The following PADI6 variants were observed in gnomAD, a reference collection of about 807,000 sequenced individuals.
PADI6 encodes the protein peptidyl arginine deiminase 6.
In PADI6, 66 loss-of-function variants were observed where a neutral mutation model predicts 78.2. That is an observed-to-expected ratio of 0.84 (90% CI 0.69 to 1.04). PADI6 has a LOEUF of 1.04. PADI6 is among the 50% of genes least tolerant of loss of function. The pLI, the probability that PADI6 is intolerant of heterozygous loss-of-function variation, is 0.00. For synonymous variants in PADI6, 397 were observed against 346.9 expected (o/e 1.14, Z -1.60); for missense variants, 854 against 866.1 (o/e 0.99, Z 0.18).
chr1:17,387,461 G>GT lies in PADI6; in HGVS notation c.680-920_680-919insT, dbSNP rs1553153217. Among the ~76,000 whole-genome samples the GT allele has an allele frequency of 1.1e-4, 16 of 151,472 alleles. No individual in the cohort carries two copies. In the East Asian group the frequency reaches 2.5e-3, roughly 24 times the overall value. On this transcript the variant is annotated intron_variant, in intron 6 of 15. Transcript: ENST00000619609. ...CTCCACCTCAAAAAAGAAAAGGAGG[G>GT]GGGGGGGCCAGGCGTGGTAGCTCAC...
chr1:17,390,777 G>C (rs1232641277), intron 8 of PADI6, among the ~76,000 whole-genome samples: 2 of 152,114 alleles, frequency 1.3e-5, no homozygotes, highest in African/African-American at 2.4e-5. Flanking sequence ...AGATACAAAA[G>C]ACATAAAGCA....
In PADI6 at chr1:17,381,106, T is replaced by C. The variant is rs6669650; in HGVS notation, c.495T>C (p.Pro165=). ...CCATCCTGCTTGTGAATTGCAACCC[T>C]GCTGATGTGGGCCAGCAACTTGAGG... ...WGAILLVNCN[P]ADVGQQLEDK... The change falls in exon 5 of 16, where the codon CCT becomes CCC. Residue 165 remains proline, a synonymous_variant. Coordinates refer to ENST00000619609, the MANE Select transcript of PADI6 (RefSeq NM_207421.4). 0.15 allele frequency: 246,371 copies of C among 1,608,902 alleles called. 20,081 individuals carry two copies. The highest frequency in any genetic ancestry group is 0.27 in the East Asian group (12,245 of 44,672).
rs374213626 is a variant in PADI6 at position 17,388,332 on chromosome 1, C to T, written c.680-49C>T. 482 of 1,500,714 alleles carry T rather than the reference C, an allele frequency of 3.2e-4. 1 individual carries two copies. The African/African-American group carries it at 5.5e-3, about 17-fold the overall frequency. The allele number at this position is 1,500,714 out of a possible 1,614,324, so 93.0% of individuals were successfully genotyped here. On this transcript the variant is annotated intron_variant, in intron 6 of 15. Coordinates refer to ENST00000619609, the MANE Select transcript of PADI6 (RefSeq NM_207421.4). The stretch of plus-strand genomic sequence containing the variant: ...TGGTACCTTGACCATCAAATGTGAC[C>T]GGCACCAGGTTACTTCAGTGGCTGG...
chr1:17,401,564 TCTGCCCCGA>T lies in PADI6; in HGVS notation c.*128_*136del. ...AGGCAACAGAACCCTTTCTTCCCTG[TCTGCCCCGA>T]CCGACCCTCGGACCCAGTAGGATGG... is the stretch of plus-strand genomic sequence containing the variant. On this transcript the variant is annotated 3_prime_UTR_variant, in exon 16 of 16. Coordinates refer to ENST00000619609, the MANE Select transcript of PADI6 (RefSeq NM_207421.4). The T allele has an allele frequency of 1.1e-6, 1 of 913,678 alleles. No homozygotes were observed. The highest frequency in any genetic ancestry group is 1.7e-5 in the South Asian group (1 of 57,732). The allele number at this position is 913,678 out of a possible 1,614,324, so 56.6% of individuals were successfully genotyped here.
rs2075005714 is a variant in PADI6 at position 17,375,446 on chromosome 1, G to T, written c.314G>T (p.Gly105Val). 6.2e-7 allele frequency: 1 copy of T among 1,611,378 alleles called. No individual in the cohort carries two copies. Among genetic ancestry groups the T allele is most frequent in the South Asian group, 1.1e-5 (1 of 90,388 alleles). The change falls in exon 3 of 16, where the codon GGG (glycine) becomes GTG (valine). Residue 105 changes from glycine (G) to valine (V), a missense_variant. Transcript: ENST00000619609. ...DADKVSVTYYGPNEDAPVGTA... is the reference protein window; with the variant it reads ...DADKVSVTYYVPNEDAPVGTA... ...CCACAGGTCTCGGTCACATACTATG[G>T]GCCCAACGAGGATGCCCCCGTGGGC... is the stretch of plus-strand genomic sequence containing the variant.
At chr1:17,387,394 G>A (rs923641657) in intron 6 of PADI6, among the ~76,000 whole-genome samples, 5 of 150,892 alleles carry the variant, frequency 3.3e-5, no homozygotes, top group Non-Finnish European at 2.9e-5. Flanking sequence ...GAAGTGAGCC[G>A]AGATAGTGCC....
chr1:17,398,909 C>A, intron 15 of PADI6, 62 bp downstream of exon 15: 1 of 1,543,144 alleles, frequency 6.5e-7, no homozygotes, highest in South Asian at 1.2e-5. Context: ...CTGGCTGCCA[C>A]CTCACTGTGC....
At chr1:17,398,868 C>T in intron 15 of PADI6, 21 bp downstream of exon 15, 1 of 1,610,688 alleles carries the variant, frequency 6.2e-7, no homozygotes. Context: ...ACTGCGCATC[C>T]CTGGGTGGGG....
At chr1:17,383,804 T>C (rs921572015) in intron 6 of PADI6, among the ~76,000 whole-genome samples, 8 of 152,150 alleles carry the variant, frequency 5.3e-5, no homozygotes, top group Middle Eastern at 3.4e-3. Flanking sequence ...CATGCCACTG[T>C]ACTCCAGCCT....
At chr1:17,390,305 C>T (rs2075169400) in intron 8 of PADI6, among the ~76,000 whole-genome samples, 1 of 150,656 alleles carries the variant, frequency 6.6e-6, no homozygotes. Context: ...GTCTCAAAAA[C>T]AAAAAATAAA....
At position 17,395,523 on chromosome 1, in the gene PADI6, C is replaced by T. The variant is rs766843717; in HGVS notation, c.1495-17C>T. ...CAGCTGAGAAAGCTGGCTTCTGACC[C>T]AAGTTCTGTTTCCCAGGGCTTCCTG... On this transcript the variant is annotated splice_polypyrimidine_tract_variant and intron_variant, in intron 12 of 15. Coordinates refer to ENST00000619609, the MANE Select transcript of PADI6 (RefSeq NM_207421.4). 6.5e-7 allele frequency: 1 copy of T among 1,549,658 alleles called. No homozygotes were observed. Among genetic ancestry groups the T allele is most frequent in the African/African-American group, 1.4e-5 (1 of 73,134 alleles).
At chr1:17,375,353 C>A in intron 2 of PADI6, 74 bp from the exon 3 acceptor site, 1 of 1,373,926 alleles carries the variant, frequency 7.3e-7, no homozygotes, top group South Asian at 1.2e-5. Flanking sequence ...CTAGACTCGG[C>A]ACATGGCCTG....
Position 17,379,995 on chromosome 1 carries a change from T to G in PADI6, c.435+8T>G, listed in dbSNP as rs1449618904. ...AGTGACAAACAGGCTAAGGTGAGTCTGCCAGCAAAAGGGGGCAGGGAAGGG... is the reference window on the plus strand; with the variant it reads ...AGTGACAAACAGGCTAAGGTGAGTCGGCCAGCAAAAGGGGGCAGGGAAGGG... On this transcript the variant is annotated splice_region_variant and intron_variant, in intron 4 of 15. Transcript: ENST00000619609. 6.2e-7 allele frequency: 1 copy of G among 1,613,294 alleles called. No homozygotes were observed. Among genetic ancestry groups the G allele is most frequent in the Admixed American group, 1.7e-5 (1 of 59,990 alleles).
At chr1:17,384,862 A>G (rs1301485201) in intron 6 of PADI6, among the ~76,000 whole-genome samples, 1 of 152,250 alleles carries the variant, frequency 6.6e-6, no homozygotes, top group African/African-American at 2.4e-5. Context: ...GGGGAGGCAC[A>G]GTAAATCTAG....
Position 17,373,066 on chromosome 1 carries a change from C to A in PADI6, c.127C>A (p.Gln43Lys), listed in dbSNP as rs1177611649. The change falls in exon 2 of 16, where the codon CAG (glutamine) becomes AAG (lysine). Residue 43 changes from glutamine (Q) to lysine (K), a missense_variant. Transcript: ENST00000619609. ...ICLDLSGCAP[Q>K]KCQCFTIHGS... ...TACCGGGCAAACCAGGTGTGCCCCC[C>A]AGAAGTGCCAGTGCTTCACCATCCA... is the stretch of plus-strand genomic sequence containing the variant. The A allele has an allele frequency of 1.9e-6, 3 of 1,613,754 alleles. No individual in the cohort carries two copies. Among genetic ancestry groups the A allele is most frequent in the Non-Finnish European group, 2.5e-6 (3 of 1,179,696 alleles).
rs761704813 is a variant in PADI6, at chr1:17,373,114, G to A, written c.175G>A (p.Asp59Asn). ...CCATGGCTCTGGGAGGGTCTTGATCGATGTGGCCAACACGGTGATTTCTGA... is the reference window on the plus strand; with the variant it reads ...CCATGGCTCTGGGAGGGTCTTGATCAATGTGGCCAACACGGTGATTTCTGA... ...TIHGSGRVLI[D>N]VANTVISEKE... Residue 59 changes from aspartate to asparagine, a missense_variant, in exon 2 of 16, where the codon GAT becomes AAT. Physicochemically the swap from Asp to Asn is conservative, Grantham distance 23. Coordinates refer to ENST00000619609, the MANE Select transcript of PADI6 (RefSeq NM_207421.4). The A allele has an allele frequency of 3.7e-6, 6 of 1,613,882 alleles. No homozygotes were observed. Among genetic ancestry groups the A allele is most frequent in the South Asian group, 2.2e-5 (2 of 91,082 alleles).
intron 3 of PADI6, among the ~76,000 whole-genome samples, chr1:17,377,294 C>G (rs1391105363): frequency 6.6e-6 from 1 of 152,006 alleles, no homozygotes; most frequent in African/African-American, 2.4e-5. Flanking sequence ...CTGGTCAATC[C>G]CCTCTTAACA....
Position 17,401,244 on chromosome 1 carries a change from A to G in PADI6, c.1891A>G (p.Lys631Glu). 4 of 1,614,060 alleles carry G rather than the reference A, an allele frequency of 2.5e-6. No individual in the cohort carries two copies. The highest frequency in any genetic ancestry group is 3.4e-6 in the Non-Finnish European group (4 of 1,179,902). The change falls in exon 16 of 16, where the codon AAG becomes GAG. Residue 631 changes from lysine to glutamate, a missense_variant. Physicochemically the swap from Lys to Glu is moderately conservative, Grantham distance 56 (BLOSUM62 1). Coordinates refer to ENST00000619609, the MANE Select transcript of PADI6 (RefSeq NM_207421.4). The part of the protein sequence containing the change: ...IVMGKNLGIP[K>E]PFGPQIKGTC... ...GATGGGCAAGAACCTGGGGATCCCCAAGCCTTTTGGGCCCCAAATCAAGGG... is the reference window on the plus strand; with the variant it reads ...GATGGGCAAGAACCTGGGGATCCCCGAGCCTTTTGGGCCCCAAATCAAGGG...
At chr1:17,395,782 T>A (rs2075240434) in intron 13 of PADI6, 119 bp downstream of exon 13, 1 of 1,325,238 alleles carries the variant, frequency 7.5e-7, no homozygotes, top group Non-Finnish European at 1.0e-6. Flanking sequence ...CAGAAGCTGT[T>A]GGAATTGCCA....
Sources: allele counts gnomAD v4.1 joint callset (sites outside exome capture counted in the v4.1 genomes callset), GRCh38; gene constraint gnomAD v4.1.1; transcripts MANE v1.5; gene names NCBI Gene and HGNC (gene_info 2026-07-23, HGNC 2026-07-21).